ARHGAP42: variants seen among roughly 807,000 people sequenced by gnomAD.
ARHGAP42 encodes Rho GTPase activating protein 42.
A neutral mutation model predicts 125.0 loss-of-function variants in ARHGAP42; 63 were observed. The ratio of observed to expected loss-of-function variants is 0.50; its 90% CI spans 0.41 to 0.62. The LOEUF (loss-of-function observed/expected upper bound fraction) is 0.62, where lower values mean the gene tolerates loss of function less well. ARHGAP42 is among the 20% of genes least tolerant of loss of function. The pLI, the probability that ARHGAP42 is intolerant of heterozygous loss-of-function variation, is 0.00. For synonymous variants in ARHGAP42, 339 were observed against 351.0 expected, an observed-to-expected ratio of 0.97 and a Z score of 0.38; for missense variants, 766 against 1,024.2, an observed-to-expected ratio of 0.75 and a Z score of 3.44.
At chr11:100,703,230 C>T (rs965451020) in intron 1 of ARHGAP42, among the ~76,000 whole-genome samples, 1 of 152,162 alleles carries the variant, frequency 6.6e-6, no homozygotes, top group Non-Finnish European at 1.5e-5. Flanking sequence ...AGCTTTGTTC[C>T]AGTGTTGGCA....
chr11:100,771,713 C>A (rs895934282), intron 2 of ARHGAP42, among the ~76,000 whole-genome samples: 32 of 152,082 alleles, frequency 2.1e-4, no homozygotes, highest in African/African-American at 7.5e-4. Context: ...ATTCTCCTGC[C>A]TCAGCCTCCC....
At chr11:100,930,733 T>C (rs974684438) in intron 6 of ARHGAP42, among the ~76,000 whole-genome samples, 1 of 152,144 alleles carries the variant, frequency 6.6e-6, no homozygotes, top group Non-Finnish European at 1.5e-5. Flanking sequence ...GTGGGAAATA[T>C]TGGTTTACCA....
chr11:100,852,149 C>CT (rs1245244986), intron 3 of ARHGAP42, among the ~76,000 whole-genome samples: 1 of 152,130 alleles, frequency 6.6e-6, no homozygotes, highest in African/African-American at 2.4e-5. Flanking sequence ...CTGTCCTCCT[C>CT]TTTATTCCCA....
chr11:100,698,081 G>A (rs1332037397), intron 1 of ARHGAP42, among the ~76,000 whole-genome samples: 2 of 152,070 alleles, frequency 1.3e-5, no homozygotes, highest in Non-Finnish European at 2.9e-5. Flanking sequence ...TGTAGAGATA[G>A]GATCTTGCTA....
intron 1 of ARHGAP42, among the ~76,000 whole-genome samples, chr11:100,736,659 TGCA>T (rs1219133591): frequency 6.6e-6 from 1 of 152,230 alleles, no homozygotes; most frequent in Non-Finnish European, 1.5e-5. Context: ...ATCTGCCACT[TGCA>T]GCAGATTTAA....
chr11:100,756,635 G>A (rs1011688531), intron 1 of ARHGAP42, among the ~76,000 whole-genome samples: 1 of 152,162 alleles, frequency 6.6e-6, no homozygotes, highest in Non-Finnish European at 1.5e-5. Context: ...TAAATTGTGT[G>A]TATCATTTGT....
At chr11:100,792,031 C>T (rs1454648944) in intron 2 of ARHGAP42, among the ~76,000 whole-genome samples, 2 of 152,044 alleles carry the variant, frequency 1.3e-5, no homozygotes, top group Non-Finnish European at 2.9e-5. Context: ...GTAGGAGGTA[C>T]CTTAGGGGAA....
At chr11:100,913,021 A>G (rs1000048871) in intron 4 of ARHGAP42, among the ~76,000 whole-genome samples, 1 of 152,196 alleles carries the variant, frequency 6.6e-6, no homozygotes, top group Non-Finnish European at 1.5e-5. Flanking sequence ...TTTAGACATT[A>G]TATATTGACT....
intron 1 of ARHGAP42, among the ~76,000 whole-genome samples, chr11:100,735,427 C>T (rs1591137136): frequency 6.6e-6 from 1 of 151,916 alleles, no homozygotes; most frequent in African/African-American, 2.4e-5. Flanking sequence ...TGTTTCTTTA[C>T]ATGATTTCTA....
chr11:100,743,420 A>T (rs971234060), intron 1 of ARHGAP42, among the ~76,000 whole-genome samples: 2 of 152,168 alleles, frequency 1.3e-5, no homozygotes, highest in Admixed American at 1.3e-4. Context: ...TAAGATTTCT[A>T]GTGAGAAGCT....
chr11:100,973,426 A>G, intron 18 of ARHGAP42, 92 bp downstream of exon 18: 10 of 1,287,514 alleles, frequency 7.8e-6, no homozygotes, highest in Non-Finnish European at 6.4e-6. Flanking sequence ...TGAGTTTTGT[A>G]TAAATTACTT....
At chr11:100,953,754 G>C (rs1184425885) in intron 12 of ARHGAP42, among the ~76,000 whole-genome samples, 1 of 152,102 alleles carries the variant, frequency 6.6e-6, no homozygotes, top group African/African-American at 2.4e-5. Flanking sequence ...TAAAATATTG[G>C]TCAATGACAG....
At chr11:100,968,793 T>C (rs1235114864) in intron 17 of ARHGAP42, among the ~76,000 whole-genome samples, 2 of 152,210 alleles carry the variant, frequency 1.3e-5, no homozygotes, top group Admixed American at 1.3e-4. Flanking sequence ...TATATCACAT[T>C]TTTAAATGTT....
In ARHGAP42 at chr11:100,746,435, C is replaced by G. The variant is rs537735124; in HGVS notation, c.155-23908C>G. On this transcript the variant is annotated intron_variant, in intron 1 of 23. Transcript: ENST00000298815. ...ACGCCCAGTTGACTGGAGGACCACC[C>G]TAGTGGAAAGGGGACAATCTGGGCC... is the stretch of plus-strand genomic sequence containing the variant. 1.4e-3 allele frequency among the ~76,000 whole-genome samples: 207 copies of G among 152,320 alleles called. 1 individual carries two copies. Among genetic ancestry groups the G allele is most frequent in the African/African-American group, 4.8e-3 (201 of 41,574 alleles).
chr11:100,827,904 C>T (rs1289617425), intron 3 of ARHGAP42, among the ~76,000 whole-genome samples: 1 of 152,084 alleles, frequency 6.6e-6, no homozygotes, highest in Non-Finnish European at 1.5e-5. Context: ...TAGAATCTAC[C>T]CTTTACAAAA....
intron 1 of ARHGAP42, among the ~76,000 whole-genome samples, chr11:100,700,741 A>G (rs1226168931): frequency 2.6e-5 from 4 of 152,218 alleles, no homozygotes; most frequent in African/African-American, 9.6e-5. Flanking sequence ...TTGCCATCAC[A>G]TCTGCACTTA....
At chr11:100,747,531 C>T (rs1713729427) in intron 1 of ARHGAP42, among the ~76,000 whole-genome samples, 1 of 152,094 alleles carries the variant, frequency 6.6e-6, no homozygotes, top group Admixed American at 6.5e-5. Context: ...TTTTAATGTC[C>T]AATTCACAGA....
chr11:100,754,289 C>T (rs996597179), intron 1 of ARHGAP42, among the ~76,000 whole-genome samples: 2 of 152,142 alleles, frequency 1.3e-5, no homozygotes, highest in Admixed American at 6.5e-5. Context: ...TGTGGAGGAA[C>T]ATTAAAGAAA....
intron 3 of ARHGAP42, among the ~76,000 whole-genome samples, chr11:100,811,070 C>T (rs905850059): frequency 6.6e-6 from 1 of 152,118 alleles, no homozygotes; most frequent in African/African-American, 2.4e-5. Context: ...ATTCTCCTGC[C>T]TCAGCCTCTT....
Sources: allele counts gnomAD v4.1 joint callset (sites outside exome capture counted in the v4.1 genomes callset), GRCh38; gene constraint gnomAD v4.1.1; transcripts MANE v1.5; gene names NCBI Gene and HGNC (gene_info 2026-07-23, HGNC 2026-07-21).